The following LRFN5 variants were observed in gnomAD, a reference collection of about 807,000 sequenced individuals.
LRFN5 encodes the protein leucine-rich repeat and fibronectin type-III domain-containing protein 5.
In LRFN5, 24 loss-of-function variants were observed where a neutral mutation model predicts 45.6. That is an observed-to-expected ratio of 0.53 (90% CI 0.38 to 0.74). The LOEUF (loss-of-function observed/expected upper bound fraction) is 0.74. Among genes scored for constraint, LRFN5 ranks in the 30% least tolerant of loss-of-function variants. The probability of loss-of-function intolerance (pLI) is 0.00; values close to 1 mark genes in which losing one functional copy is unlikely to be tolerated. For missense variants in LRFN5, 776 were observed against 861.5 expected (o/e 0.90, Z 1.24); for synonymous variants, 340 against 313.8 (o/e 1.08, Z -0.88).
intron 2 of LRFN5, among the ~76,000 whole-genome samples, chr14:41,806,648 C>T (rs141153254): frequency 0.013 from 2,039 of 152,152 alleles, 19 homozygotes; most frequent in Non-Finnish European, 0.018. Context: ...AATTGGAACA[C>T]GGTATGATTG....
chr14:41,697,041 A>G (rs1229153095), intron 1 of LRFN5, among the ~76,000 whole-genome samples: 2 of 151,986 alleles, frequency 1.3e-5, no homozygotes, highest in Non-Finnish European at 2.9e-5. Flanking sequence ...CACTTTTGAT[A>G]TTAGTAGTAT....
At chr14:41,699,419 A>G (rs1352442245) in intron 1 of LRFN5, 2 of 152,270 alleles carry the variant, frequency 1.3e-5, no homozygotes, top group East Asian at 3.9e-4. Flanking sequence ...TCAAATGAAA[A>G]TGAGATAAAC....
At chr14:41,630,755 G>T (rs938548047) in intron 1 of LRFN5, among the ~76,000 whole-genome samples, 1 of 151,986 alleles carries the variant, frequency 6.6e-6, no homozygotes, top group African/African-American at 2.4e-5. Context: ...GTTTTCATCG[G>T]TCACTTGTAA....
At chr14:41,697,867 A>T (rs1429701780) in intron 1 of LRFN5, among the ~76,000 whole-genome samples, 1 of 151,882 alleles carries the variant, frequency 6.6e-6, no homozygotes, top group Non-Finnish European at 1.5e-5. Flanking sequence ...AGATATAGTG[A>T]GTTATTAAAA....
chr14:41,671,776 G>A (rs1429015193), intron 1 of LRFN5, among the ~76,000 whole-genome samples: 2 of 151,896 alleles, frequency 1.3e-5, no homozygotes, highest in African/African-American at 2.4e-5. Context: ...GCACCATCAT[G>A]CCCGGCTAAT....
At chr14:41,831,473 A>G (rs532175451) in intron 2 of LRFN5, among the ~76,000 whole-genome samples, 1 of 152,300 alleles carries the variant, frequency 6.6e-6, no homozygotes, top group East Asian at 1.9e-4. Flanking sequence ...TGTATGCAAT[A>G]TGTAAAATAT....
intron 2 of LRFN5, among the ~76,000 whole-genome samples, chr14:41,871,931 T>C (rs959552991): frequency 1.3e-5 from 2 of 152,168 alleles, no homozygotes; most frequent in Non-Finnish European, 2.9e-5. Flanking sequence ...ACCATGTTGG[T>C]AAGCTTTTTT....
At chr14:41,615,721 T>C (rs1278826802) in intron 1 of LRFN5, among the ~76,000 whole-genome samples, 3 of 152,104 alleles carry the variant, frequency 2.0e-5, no homozygotes, top group Non-Finnish European at 2.9e-5. Context: ...TTGATCAATG[T>C]TTTCTTCTTG....
At chr14:41,883,471 A>G (rs1399457252) in intron 2 of LRFN5, among the ~76,000 whole-genome samples, 13 of 152,208 alleles carry the variant, frequency 8.5e-5, no homozygotes, top group African/African-American at 2.7e-4. Context: ...TAAAGACACT[A>G]TCCTTTACAT....
intron 1 of LRFN5, among the ~76,000 whole-genome samples, chr14:41,658,237 G>T (rs1156922539): frequency 4.6e-5 from 7 of 151,900 alleles, no homozygotes; most frequent in Admixed American, 3.9e-4. Context: ...GACTGACCTT[G>T]CAAAAACACC....
intron 2 of LRFN5, among the ~76,000 whole-genome samples, chr14:41,801,169 C>T (rs747456641): frequency 3.3e-5 from 5 of 151,964 alleles, no homozygotes; most frequent in Non-Finnish European, 5.9e-5. Flanking sequence ...GTTTCTCGTA[C>T]TTAGCACTAA....
Position 41,740,136 on chromosome 14 carries a change from T to C in LRFN5, c.-196-26718T>C, listed in dbSNP as rs533000197. Among the ~76,000 whole-genome samples, 9 of 152,126 alleles carry C rather than the reference T, an allele frequency of 5.9e-5. No individual in the cohort carries two copies. In the East Asian group the frequency reaches 1.7e-3, roughly 29 times the overall value. On this transcript the variant is annotated intron_variant, in intron 1 of 5. Transcript: ENST00000298119. The stretch of plus-strand genomic sequence containing the variant: ...CAAACATTTAAATAACTAATATCAG[T>C]CCTTCTCAAGATTATCCAGAAAACT...
At chr14:41,832,583 A>T (rs34665916) in intron 2 of LRFN5, among the ~76,000 whole-genome samples, 29,973 of 152,004 alleles carry the variant, frequency 0.2, 3,039 homozygotes, top group Non-Finnish European at 0.21. Context: ...TCATGAGAGG[A>T]GCTGTTCACC....
At chr14:41,758,186 T>C (rs577131976) in intron 1 of LRFN5, among the ~76,000 whole-genome samples, 1 of 152,310 alleles carries the variant, frequency 6.6e-6, no homozygotes, top group African/African-American at 2.4e-5. Context: ...TTTTTGTCTC[T>C]TGGCATGTTT....
At chr14:41,740,530 A>C (rs981587826) in intron 1 of LRFN5, among the ~76,000 whole-genome samples, 1 of 152,032 alleles carries the variant, frequency 6.6e-6, no homozygotes, top group African/African-American at 2.4e-5. Flanking sequence ...CTCTCAACAA[A>C]TAGGTATTGA....
At chr14:41,790,999 T>C (rs556902026) in intron 2 of LRFN5, among the ~76,000 whole-genome samples, 1 of 151,962 alleles carries the variant, frequency 6.6e-6, no homozygotes, top group Non-Finnish European at 1.5e-5. Context: ...AATATCCACA[T>C]ATTATTTTCA....
At chr14:41,671,435 C>T (rs1294502046) in intron 1 of LRFN5, among the ~76,000 whole-genome samples, 1 of 151,996 alleles carries the variant, frequency 6.6e-6, no homozygotes, top group African/African-American at 2.4e-5. Flanking sequence ...TTTATTTGTT[C>T]ACTCCAGTCT....
At chr14:41,725,381 C>T (rs1883887661) in intron 1 of LRFN5, among the ~76,000 whole-genome samples, 1 of 152,174 alleles carries the variant, frequency 6.6e-6, no homozygotes, top group Non-Finnish European at 1.5e-5. Context: ...CATTTCACTG[C>T]ATCTTGATTC....
intron 1 of LRFN5, among the ~76,000 whole-genome samples, chr14:41,724,783 C>G (rs2138778738): frequency 6.6e-6 from 1 of 152,192 alleles, no homozygotes; most frequent in South Asian, 2.1e-4. Context: ...CTCAACCCGC[C>G]CTTATGAGAA....
Sources: allele counts gnomAD v4.1 joint callset (sites outside exome capture counted in the v4.1 genomes callset), GRCh38; gene constraint gnomAD v4.1.1; transcripts MANE v1.5; gene names NCBI Gene and HGNC (gene_info 2026-07-23, HGNC 2026-07-21).